Variants in RDH12 observed in about 807,000 individuals in gnomAD.
RDH12 encodes the protein all-trans and 9-cis retinol dehydrogenase.
A neutral mutation model predicts 34.0 loss-of-function variants in RDH12; 21 were observed. That is an observed-to-expected ratio of 0.62 (90% CI 0.44 to 0.89). The LOEUF (loss-of-function observed/expected upper bound fraction) is 0.89. Ranked by LOEUF, RDH12 falls within the 40% of genes least tolerant of loss-of-function variation. The probability of loss-of-function intolerance (pLI) is 0.00; values close to 1 mark genes in which losing one functional copy is unlikely to be tolerated. For missense variants in RDH12, 394 were observed against 398.6 expected (o/e 0.99, Z 0.10); for synonymous variants, 198 against 169.9 (o/e 1.17, Z -1.29).
At position 67,733,855 on chromosome 14, in the gene RDH12, G is replaced by A. The variant is rs766060227; in HGVS notation, c.*7G>A. Reference sequence around the variant, plus strand: ...AGGAATCCGGTGGGAGTAGCTGGTGGAAGAGCTGCAGCTTTATCAGGCCCA... The same window carrying A: ...AGGAATCCGGTGGGAGTAGCTGGTGAAAGAGCTGCAGCTTTATCAGGCCCA... On this transcript the variant is annotated 3_prime_UTR_variant, in exon 9 of 9. Transcript: ENST00000551171. The A allele has an allele frequency of 1.9e-6, 3 of 1,598,404 alleles. No homozygotes were observed. The highest frequency in any genetic ancestry group is 1.7e-6 in the Non-Finnish European group (2 of 1,166,432).
At chr14:67,727,243 G>A (rs1181417355) in intron 7 of RDH12, 53 bp downstream of exon 7, 2 of 1,431,564 alleles carry the variant, frequency 1.4e-6, no homozygotes, top group African/African-American at 1.4e-5. Context: ...CAAATTAGAG[G>A]TCCACAGCAA....
chr14:67,730,033 T>C (rs2038248976), intron 8 of RDH12, among the ~76,000 whole-genome samples: 1 of 152,232 alleles, frequency 6.6e-6, no homozygotes, highest in Non-Finnish European at 1.5e-5. Flanking sequence ...TCTTAGTGTC[T>C]GATGAGAGGG....
Position 67,726,081 on chromosome 14 carries a change from A to T in RDH12, c.374A>T (p.Asn125Ile). 1 of 1,614,030 alleles carries T rather than the reference A, an allele frequency of 6.2e-7. No homozygotes were observed. The highest frequency in any genetic ancestry group is 1.1e-5 in the South Asian group (1 of 91,080). The change falls in exon 6 of 9, where the codon AAT (asparagine) becomes ATT (isoleucine). Residue 125 changes from asparagine (N) to isoleucine (I), a missense_variant. Transcript: ENST00000551171. Reference protein sequence around the residue: ...EEKQLHILINNAGVMMCPYSK... With the variant: ...EEKQLHILINIAGVMMCPYSK... Reference sequence around the variant, plus strand: ...AAGCAGCTCCATATTCTGATCAACAATGCGGGAGTAATGATGTGTCCATAT... The same window carrying T: ...AAGCAGCTCCATATTCTGATCAACATTGCGGGAGTAATGATGTGTCCATAT...
At chr14:67,727,468 G>A (rs573502013) in intron 7 of RDH12, 64 of 394,542 alleles carry the variant, frequency 1.6e-4, no homozygotes, top group South Asian at 2.4e-4. Flanking sequence ...AACAGACAGA[G>A]GCTTTTTGTT....
intron 1 of RDH12, chr14:67,706,079 G>A (rs1230889896): frequency 1.3e-5 from 2 of 152,096 alleles, no homozygotes; most frequent in South Asian, 2.1e-4. Context: ...ATTAAGTTCA[G>A]CATCAATATA....
chr14:67,721,635 G>A (rs912307706), intron 2 of RDH12, among the ~76,000 whole-genome samples: 4 of 151,892 alleles, frequency 2.6e-5, no homozygotes, highest in African/African-American at 4.8e-5. Context: ...AGGGAGATAC[G>A]AATCAGAACA....
At chr14:67,714,378 C>A (rs2038044382) in intron 1 of RDH12, among the ~76,000 whole-genome samples, 1 of 152,106 alleles carries the variant, frequency 6.6e-6, no homozygotes, top group Non-Finnish European at 1.5e-5. Context: ...CTCAATAAAT[C>A]CTCCTGCCTT....
Position 67,725,265 on chromosome 14 carries a change from G to C in RDH12, c.343+11G>C, listed in dbSNP as rs761704115. 2 of 1,612,624 alleles carry C rather than the reference G, an allele frequency of 1.2e-6. No individual in the cohort carries two copies. The highest frequency in any genetic ancestry group is 1.7e-5 in the Admixed American group (1 of 60,018). The stretch of plus-strand genomic sequence containing the variant: ...AGGGCTTTCTGGCAGGTGAGGTCCT[G>C]ATGGGTAGGTAGAAAAGCAGGAAAT... On this transcript the variant is annotated intron_variant, in intron 5 of 8. Transcript: ENST00000551171.
chr14:67,716,881 C>CA (rs35419842), intron 1 of RDH12, among the ~76,000 whole-genome samples: 224 of 85,072 alleles, frequency 2.6e-3, no homozygotes, highest in East Asian at 0.01. Flanking sequence ...GAGTCTCTGT[C>CA]AAAAAAAAAA....
In RDH12 at chr14:67,722,482, G is replaced by T; in HGVS notation, c.-161G>T. On this transcript the variant is annotated 5_prime_UTR_variant, in exon 3 of 9. Transcript: ENST00000551171. ...CTCTTGGATTTAAATAGGATTCTGG[G>T]CTCTGCTCAGAGTCAGGCTGCTGCT... 1.3e-6 allele frequency: 1 copy of T among 753,666 alleles called. No individual in the cohort carries two copies. The highest frequency in any genetic ancestry group is 2.4e-6 in the Non-Finnish European group (1 of 408,226). The allele number at this position is 753,666 out of a possible 1,614,324, so 46.7% of individuals were successfully genotyped here.
chr14:67,731,941 C>T (rs1008915271), intron 8 of RDH12, among the ~76,000 whole-genome samples: 40 of 151,626 alleles, frequency 2.6e-4, no homozygotes, highest in African/African-American at 8.0e-4. Context: ...GCCTGGCCAA[C>T]GTGGTGTAAC....
chr14:67,724,440 G>T, intron 3 of RDH12, 33 bp from the exon 4 acceptor site: 2 of 1,275,508 alleles, frequency 1.6e-6, no homozygotes, highest in South Asian at 1.2e-5. Flanking sequence ...CGTGAAGGAT[G>T]GTACGTGATG....
At position 67,729,326 on chromosome 14, in the gene RDH12, G is replaced by C. The variant is rs766633594; in HGVS notation, c.794G>C (p.Ser265Thr). Reference protein sequence around the residue: ...VKTAREGAQTSLHCALAEGLE... With the variant: ...VKTAREGAQTTLHCALAEGLE... ...ACGGCACGGGAGGGGGCGCAGACCA[G>C]CCTGCACTGCGCCCTGGCTGAGGGC... Residue 265 changes from serine to threonine, a missense_variant, in exon 8 of 9, where the codon AGC (serine) becomes ACC (threonine). Transcript: ENST00000551171. 1.6e-5 allele frequency: 25 copies of C among 1,599,554 alleles called. No homozygotes were observed. The highest frequency in any genetic ancestry group is 1.9e-5 in the Non-Finnish European group (23 of 1,179,876).
chr14:67,729,822 G>A (rs779051905), intron 8 of RDH12: 1 of 478,242 alleles, frequency 2.1e-6, no homozygotes, highest in Non-Finnish European at 4.2e-6. Flanking sequence ...GGCACTATCT[G>A]TTGAAATATA....
intron 7 of RDH12, 84 bp downstream of exon 7, chr14:67,727,274 A>G (rs1441494722): frequency 1.7e-5 from 17 of 976,744 alleles, no homozygotes; most frequent in Non-Finnish European, 2.4e-5. Context: ...CAGGCTGTCA[A>G]ACATGCACGT....
chr14:67,705,618 G>A (rs774779540), intron 1 of RDH12, among the ~76,000 whole-genome samples: 14 of 152,180 alleles, frequency 9.2e-5, no homozygotes, highest in Non-Finnish European at 1.6e-4. Context: ...AAAGCCATTA[G>A]TTTAGTTAGT....
In RDH12 at chr14:67,727,183, G is replaced by C. The variant is rs769384787; in HGVS notation, c.651G>C (p.Arg217Ser). The change falls in exon 7 of 9, where the codon AGG becomes AGC. Residue 217 changes from arginine to serine, a missense_variant. By Grantham distance (110) the Arg-to-Ser change is moderately radical. Transcript: ENST00000551171. ...NVLFTRELAKRLQGTGVTTYA... is the reference protein window; with the variant it reads ...NVLFTRELAKSLQGTGVTTYA... ...TTTTTACTCGTGAGCTGGCCAAGAG[G>C]CTCCAAGGTAAGTCTGGAGAAAGAG... The C allele has an allele frequency of 1.2e-6, 2 of 1,612,360 alleles. No homozygotes were observed. Among genetic ancestry groups the C allele is most frequent in the Admixed American group, 3.3e-5 (2 of 59,774 alleles).
At chr14:67,724,660 C>T in intron 4 of RDH12, 69 bp downstream of exon 4, 2 of 1,178,260 alleles carry the variant, frequency 1.7e-6, no homozygotes, top group South Asian at 1.2e-5. Flanking sequence ...GGCCTCTGTC[C>T]ATATTGCTTT....
At chr14:67,705,055 G>A (rs919483902) in intron 1 of RDH12, among the ~76,000 whole-genome samples, 4 of 152,196 alleles carry the variant, frequency 2.6e-5, no homozygotes, top group Non-Finnish European at 4.4e-5. Context: ...AGGCTGTTGA[G>A]GCAGAAATAA....
Sources: allele counts gnomAD v4.1 joint callset (sites outside exome capture counted in the v4.1 genomes callset), GRCh38; gene constraint gnomAD v4.1.1; transcripts MANE v1.5; gene names NCBI Gene and HGNC (gene_info 2026-07-23, HGNC 2026-07-21).